Variants in OTUD7A observed in about 807,000 individuals in gnomAD.
OTUD7A encodes the protein OTU domain-containing protein 7A.
In OTUD7A, 12 loss-of-function variants were observed where a neutral mutation model predicts 65.7. The ratio of observed to expected loss-of-function variants is 0.18; its 90% confidence interval spans 0.12 to 0.30. The LOEUF is 0.30. Among genes scored for constraint, OTUD7A ranks in the 10% least tolerant of loss-of-function variants. The pLI is 1.00. For missense variants in OTUD7A, 1,148 were observed against 1,304.8 expected, an observed-to-expected ratio of 0.88 and a Z score of 1.85; for synonymous variants, 641 against 586.3, an observed-to-expected ratio of 1.09 and a Z score of -1.35.
chr15:31,646,383 A>C (rs1891665154), intron 3 of OTUD7A, among the ~76,000 whole-genome samples: 1 of 151,850 alleles, frequency 6.6e-6, no homozygotes, highest in East Asian at 1.9e-4. Flanking sequence ...CTTTCCAGAG[A>C]GGAAGTGTCT....
At chr15:31,609,918 T>G (rs1477501398) in intron 3 of OTUD7A, among the ~76,000 whole-genome samples, 1 of 152,118 alleles carries the variant, frequency 6.6e-6, no homozygotes, top group Non-Finnish European at 1.5e-5. Context: ...CAACCCCCAG[T>G]ACCAGCCCAG....
At chr15:31,574,270 A>G (rs1281405499) in intron 3 of OTUD7A, among the ~76,000 whole-genome samples, 6 of 152,206 alleles carry the variant, frequency 3.9e-5, no homozygotes, top group Non-Finnish European at 7.3e-5. Context: ...AAGATAACAT[A>G]GTGAAAGACA....
intron 1 of OTUD7A, among the ~76,000 whole-genome samples, chr15:31,703,449 T>A (rs1239658485): frequency 2.0e-5 from 3 of 151,862 alleles, no homozygotes; most frequent in Admixed American, 2.0e-4. Flanking sequence ...AGAGAAGGTA[T>A]ATATGACAAA....
At chr15:31,743,663 T>C (rs1410612499) in intron 1 of OTUD7A, among the ~76,000 whole-genome samples, 2 of 152,156 alleles carry the variant, frequency 1.3e-5, no homozygotes, top group African/African-American at 4.8e-5. Flanking sequence ...TCCCAGCACT[T>C]TGGGAGGCCA....
At chr15:31,828,842 C>T (rs72709392) in intron 1 of OTUD7A, among the ~76,000 whole-genome samples, 1,762 of 152,210 alleles carry the variant, frequency 0.012, 21 homozygotes, top group South Asian at 0.03. Context: ...CTCCCTCTCC[C>T]GCTTTACCCC....
chr15:31,804,483 C>T (rs1015364400), intron 1 of OTUD7A, among the ~76,000 whole-genome samples: 8 of 152,226 alleles, frequency 5.3e-5, no homozygotes, highest in African/African-American at 1.9e-4. Context: ...AAGCCCCCTC[C>T]TCCCCTTTCT....
intron 5 of OTUD7A, among the ~76,000 whole-genome samples, chr15:31,549,364 G>A (rs1002271782): frequency 2.3e-4 from 35 of 152,152 alleles, no homozygotes; most frequent in African/African-American, 7.2e-4. Context: ...ATCTGTGGCA[G>A]GCAGAATTCT....
intron 1 of OTUD7A, among the ~76,000 whole-genome samples, chr15:31,728,173 A>C (rs1343562584): frequency 6.6e-6 from 1 of 152,224 alleles, no homozygotes; most frequent in Non-Finnish European, 1.5e-5. Flanking sequence ...TGAGTTTAGT[A>C]AAAGTTCTTC....
chr15:31,867,504 G>A (rs1252280350), intron 1 of OTUD7A, among the ~76,000 whole-genome samples: 1 of 152,170 alleles, frequency 6.6e-6, no homozygotes. Context: ...TCAGTGCAAG[G>A]GGTCAAATAG....
chr15:31,716,329 TG>T (rs1893584295), intron 1 of OTUD7A, among the ~76,000 whole-genome samples: 1 of 94,376 alleles, frequency 1.1e-5, no homozygotes, highest in Non-Finnish European at 2.3e-5. Flanking sequence ...ATATTACATA[TG>T]GATTAATTAC....
At chr15:31,781,458 C>G (rs1312178139) in intron 1 of OTUD7A, among the ~76,000 whole-genome samples, 1 of 151,870 alleles carries the variant, frequency 6.6e-6, no homozygotes, top group Admixed American at 6.6e-5. Flanking sequence ...CAGGAGCCAT[C>G]CCACTGCACC....
chr15:31,503,202 G>C (rs2041499040), intron 9 of OTUD7A, among the ~76,000 whole-genome samples: 1 of 152,332 alleles, frequency 6.6e-6, no homozygotes, highest in South Asian at 2.1e-4. Context: ...GGCTTTTGGT[G>C]GGCAGGCCAT....
intron 10 of OTUD7A, among the ~76,000 whole-genome samples, chr15:31,490,320 T>C (rs1300314367): frequency 6.6e-6 from 1 of 152,248 alleles, no homozygotes; most frequent in Non-Finnish European, 1.5e-5. Context: ...GCCTCTTGTA[T>C]GTCTTTTAGC....
chr15:31,603,609 T>C (rs1010319991), intron 3 of OTUD7A, among the ~76,000 whole-genome samples: 1 of 152,190 alleles, frequency 6.6e-6, no homozygotes, highest in Non-Finnish European at 1.5e-5. Flanking sequence ...CTAATTAAAC[T>C]AAACAGCTTC....
intron 1 of OTUD7A, among the ~76,000 whole-genome samples, chr15:31,797,872 A>C (rs1042815085): frequency 2.6e-5 from 4 of 152,180 alleles, no homozygotes; most frequent in Admixed American, 6.5e-5. Flanking sequence ...AAAAATGCCC[A>C]AAAACAGCTG....
intron 5 of OTUD7A, among the ~76,000 whole-genome samples, chr15:31,535,521 G>A (rs1470505709): frequency 1.3e-5 from 2 of 152,016 alleles, no homozygotes; most frequent in Admixed American, 6.6e-5. Flanking sequence ...AATTCCACTC[G>A]TGGATATTTA....
rs961236798 is a variant in OTUD7A at position 31,861,613 on chromosome 15, C to T, written c.-100+8894G>A. On this transcript the variant is annotated intron_variant, in intron 1 of 12. Transcript: ENST00000307050. ...CAGAGTCAGTGGGCACTTAAAACCA[C>T]GTGGACCCAAGAGCTGAGTTCACAT... Among the ~76,000 whole-genome samples, 4 of 152,242 alleles carry T rather than the reference C, an allele frequency of 2.6e-5. No individual in the cohort carries two copies. In the East Asian group the frequency reaches 7.7e-4, roughly 29 times the overall value.
intron 5 of OTUD7A, among the ~76,000 whole-genome samples, chr15:31,547,248 G>C (rs1888160572): frequency 6.6e-6 from 1 of 152,142 alleles, no homozygotes; most frequent in South Asian, 2.1e-4. Flanking sequence ...AAAAGAGTAT[G>C]TCTGAAATAT....
rs2041061235 is a variant in OTUD7A, at chr15:31,478,553, G to A, written c.*4741C>T. On this transcript the variant is annotated 3_prime_UTR_variant, in exon 13 of 13. Transcript: ENST00000307050. The stretch of plus-strand genomic sequence containing the variant: ...CATGGTTGGAGATGATGGCTTCAGT[G>A]CTACTCTGCAACTACGTGTGTCTTC... 6.6e-6 allele frequency: 1 copy of A among 152,220 alleles called. No homozygotes were observed. Among genetic ancestry groups the A allele is most frequent in the Non-Finnish European group, 1.5e-5 (1 of 68,048 alleles). 9.4% of individuals were successfully genotyped at this position (152,220 alleles called of 1,614,324 possible).
Sources: gnomAD v4.1 joint callset for allele counts (sites outside exome capture counted in the v4.1 genomes callset) on GRCh38, gnomAD v4.1.1 for gene constraint, MANE v1.5 for transcripts, NCBI Gene and HGNC (gene_info 2026-07-23, HGNC 2026-07-21) for gene names.